The following ESR1 variants were observed in gnomAD, a reference collection of about 807,000 sequenced individuals.
The protein encoded by ESR1 is estrogen receptor 1, also known as estrogen receptor.
In ESR1, 12 loss-of-function variants were observed where a neutral mutation model predicts 52.7. The ratio of observed to expected loss-of-function variants is 0.23; its 90% CI spans 0.15 to 0.37. The LOEUF is 0.37. Ranked by LOEUF, ESR1 falls within the 10% of genes least tolerant of loss-of-function variation. The probability of loss-of-function intolerance (pLI) is 1.00; values close to 1 mark genes in which losing one functional copy is unlikely to be tolerated. For synonymous variants in ESR1, 305 were observed against 316.8 expected (o/e 0.96, Z 0.39); for missense variants, 584 against 779.7 (o/e 0.75, Z 2.99).
intron 1 of ESR1, among the ~76,000 whole-genome samples, chr6:151,673,635 C>G (rs904809156): frequency 2.0e-5 from 3 of 152,108 alleles, no homozygotes; most frequent in African/African-American, 7.2e-5. Flanking sequence ...GTAATCCCAG[C>G]ACTTTGGGAG....
chr6:151,933,421 C>G (rs984665179), intron 3 of ESR1, among the ~76,000 whole-genome samples: 2 of 150,584 alleles, frequency 1.3e-5, no homozygotes, highest in African/African-American at 4.9e-5. Flanking sequence ...TTGACTTCCT[C>G]TTTTCCTAAT....
chr6:151,751,271 T>A (rs1394767280), intron 2 of ESR1, among the ~76,000 whole-genome samples: 1 of 152,214 alleles, frequency 6.6e-6, no homozygotes, highest in East Asian at 1.9e-4. Flanking sequence ...TGCTCATTTG[T>A]ATAATTTTTA....
intron 2 of ESR1, among the ~76,000 whole-genome samples, chr6:151,797,579 C>T (rs1776831211): frequency 6.6e-6 from 1 of 152,196 alleles, no homozygotes; most frequent in African/African-American, 2.4e-5. Context: ...TTTGATTTGA[C>T]TGCTGTTGAA....
chr6:151,668,951 G>T (rs145461744), intron 1 of ESR1, among the ~76,000 whole-genome samples: 327 of 152,084 alleles, frequency 2.2e-3, no homozygotes, highest in African/African-American at 7.5e-3. Context: ...TATGAGAATA[G>T]TGAGGGTTCA....
At position 152,061,066 on chromosome 6, in the gene ESR1, G is replaced by A. The variant is rs781324888; in HGVS notation, c.1311G>A (p.Met437Ile). 1 of 1,613,816 alleles carries A rather than the reference G, an allele frequency of 6.2e-7. No homozygotes were observed. Among genetic ancestry groups the A allele is most frequent in the Non-Finnish European group, 8.5e-7 (1 of 1,179,824 alleles). Residue 437 changes from methionine (M) to isoleucine (I), a missense_variant, in exon 6 of 8, where the codon ATG becomes ATA. Physicochemically the swap from Met to Ile is conservative, Grantham distance 10. Around this residue, in one of 6 missense-constraint regions of ESR1, gnomAD observed 141 missense variants for 289.3 expected, o/e 0.49. Transcript: ENST00000206249. The surrounding 1 kb of genome is among the most constrained non-coding windows in gnomAD (Gnocchi z 4.3). The part of the protein sequence containing the change: ...MLLATSSRFR[M>I]MNLQGEEFVC... ...TGGCTACATCATCTCGGTTCCGCATGATGAATCTGCAGGGAGAGGAGTTTG... is the reference window on the plus strand; with the variant it reads ...TGGCTACATCATCTCGGTTCCGCATAATGAATCTGCAGGGAGAGGAGTTTG...
In ESR1 at chr6:151,850,057, T is replaced by TACAA. The variant is rs1443336773; in HGVS notation, c.643+7271_643+7272insCAAA. ...ATATATATATAATTTTATATATATA[T>TACAA]AATTTTATATATATATAAAAAATTA... On this transcript the variant is annotated intron_variant, in intron 2 of 7. Coordinates refer to ENST00000206249, the MANE Select transcript of ESR1 (RefSeq NM_000125.4). 1.3e-3 allele frequency among the ~76,000 whole-genome samples: 156 copies of TACAA among 119,988 alleles called. 1 individual carries two copies. Among genetic ancestry groups the TACAA allele is most frequent in the African/African-American group, 2.1e-3 (67 of 32,072 alleles). The allele number at this position is 119,988 out of a possible 152,430, so 78.7% of individuals were successfully genotyped here.
intron 2 of ESR1, among the ~76,000 whole-genome samples, chr6:151,717,666 G>T (rs182722177): frequency 9.2e-5 from 14 of 152,236 alleles, no homozygotes; most frequent in Admixed American, 8.5e-4. Flanking sequence ...GACCCCGGTG[G>T]TAGGGTTATG....
At chr6:151,952,870 C>A (rs1010383379) in intron 4 of ESR1, among the ~76,000 whole-genome samples, 1 of 152,038 alleles carries the variant, frequency 6.6e-6, no homozygotes, top group African/African-American at 2.4e-5. Context: ...CTTTAAAAGT[C>A]GTATATGTGC....
At chr6:151,980,789 C>T (rs562839743) in intron 4 of ESR1, among the ~76,000 whole-genome samples, 16 of 152,206 alleles carry the variant, frequency 1.1e-4, no homozygotes, top group South Asian at 4.1e-4. Context: ...ATGCAACCTC[C>T]GCCTCCCGGG....
Position 151,846,968 on chromosome 6 carries a change from A to T in ESR1, c.643+4181A>T, listed in dbSNP as rs1785235612. Among the ~76,000 whole-genome samples, 3 of 152,144 alleles carry T rather than the reference A, an allele frequency of 2.0e-5. No homozygotes were observed. The South Asian group carries it at 6.2e-4, about 32-fold the overall frequency. ...CTGAGCTCACTGCTTCTCTTTCATT[A>T]TTATTTCAGAAGGTTGTGTGGCGTA... On this transcript the variant is annotated intron_variant, in intron 2 of 7. Coordinates refer to ENST00000206249, the MANE Select transcript of ESR1 (RefSeq NM_000125.4).
chr6:152,110,390 G>A (rs540838060), intron 6 of ESR1, among the ~76,000 whole-genome samples: 9 of 152,274 alleles, frequency 5.9e-5, no homozygotes, highest in Admixed American at 3.3e-4. Context: ...CATGGATGGC[G>A]CTGGAGGCCA....
At chr6:151,877,040 A>G (rs1024945885) in intron 2 of ESR1, among the ~76,000 whole-genome samples, 1 of 151,668 alleles carries the variant, frequency 6.6e-6, no homozygotes, top group African/African-American at 2.4e-5. Context: ...TAGAAAATCA[A>G]CTCTACTTCA....
At chr6:152,095,495 C>T (rs973340884) in intron 7 of ESR1, among the ~76,000 whole-genome samples, 1 of 152,234 alleles carries the variant, frequency 6.6e-6, no homozygotes, top group Admixed American at 6.5e-5. Context: ...CTTGTACCCA[C>T]ATGTTAGCTG....
chr6:152,064,761 A>C (rs1381114502), intron 6 of ESR1, among the ~76,000 whole-genome samples: 4 of 152,216 alleles, frequency 2.6e-5, no homozygotes, highest in African/African-American at 9.7e-5. Context: ...GACTGTCAAC[A>C]GATGTTACAT....
chr6:152,024,315 C>G (rs1397125266), intron 5 of ESR1, among the ~76,000 whole-genome samples: 3 of 152,076 alleles, frequency 2.0e-5, no homozygotes, highest in African/African-American at 7.2e-5. Context: ...TGCTATCCCA[C>G]CAAATATTGC....
chr6:151,665,223 C>G (rs79416203), intron 1 of ESR1, among the ~76,000 whole-genome samples: 8 of 152,004 alleles, frequency 5.3e-5, no homozygotes, highest in African/African-American at 1.7e-4. Flanking sequence ...TTTCCTGGCT[C>G]GAGAGACTTC....
At chr6:152,079,273 G>A (rs978869903) in intron 6 of ESR1, among the ~76,000 whole-genome samples, 53 of 152,276 alleles carry the variant, frequency 3.5e-4, no homozygotes, top group Admixed American at 2.6e-4. Flanking sequence ...CCTCTGGGAC[G>A]AAGCTTCCAG....
intron 2 of ESR1, among the ~76,000 whole-genome samples, chr6:151,730,234 C>T (rs976380412): frequency 2.6e-5 from 4 of 152,058 alleles, no homozygotes; most frequent in Non-Finnish European, 4.4e-5. Context: ...CTGCTGCCTT[C>T]GACCCCCCGG....
In ESR1 at chr6:152,061,012, G is replaced by A. The variant is rs1232973770; in HGVS notation, c.1257G>A (p.Glu419=). 6.2e-7 allele frequency: 1 copy of A among 1,611,324 alleles called. No homozygotes were observed. Among genetic ancestry groups the A allele is most frequent in the East Asian group, 2.2e-5 (1 of 44,728 alleles). The change falls in exon 6 of 8, where the codon GAG becomes GAA. Residue 419 remains glutamate (E), a synonymous_variant. Coordinates refer to ENST00000206249, the MANE Select transcript of ESR1 (RefSeq NM_000125.4). The surrounding 1 kb of genome is among the most constrained non-coding windows in gnomAD (Gnocchi z 4.3). ...ATAGGAACCAGGGAAAATGTGTAGA[G>A]GGCATGGTGGAGATCTTCGACATGC... ...LLDRNQGKCV[E]GMVEIFDMLL... is the part of the protein sequence containing the mutation.
Sources: allele counts gnomAD v4.1 joint callset (sites outside exome capture counted in the v4.1 genomes callset), GRCh38; gene constraint gnomAD v4.1.1; regional missense constraint gnomAD v4.1.1; non-coding constraint Gnocchi (gnomAD v3.1); transcripts MANE v1.5; gene names NCBI Gene and HGNC (gene_info 2026-07-23, HGNC 2026-07-21).